The following COMMD1 variants were observed in gnomAD, a reference collection of about 807,000 sequenced individuals.
COMMD1 encodes COMM domain-containing protein 1.
In COMMD1, 10 loss-of-function variants were observed where a neutral mutation model predicts 17.2. The observed-to-expected ratio is 0.58, with a 90% CI of 0.36 to 0.99. The LOEUF (loss-of-function observed/expected upper bound fraction) is 0.99. COMMD1 is among the 50% of genes least tolerant of loss of function. The pLI, the probability that COMMD1 is intolerant of heterozygous loss-of-function variation, is 0.01. For missense variants in COMMD1, 270 were observed against 231.8 expected (o/e 1.17, Z -1.07); for synonymous variants, 97 against 91.6 (o/e 1.06, Z -0.34).
At chr2:61,978,792 G>C (rs183595752) in intron 1 of COMMD1, among the ~76,000 whole-genome samples, 12 of 152,090 alleles carry the variant, frequency 7.9e-5, no homozygotes, top group African/African-American at 2.9e-4. Context: ...GAGACAAAGG[G>C]GAAGTTGTCA....
chr2:61,961,938 T>C (rs1040654168), intron 1 of COMMD1, among the ~76,000 whole-genome samples: 1 of 152,200 alleles, frequency 6.6e-6, no homozygotes, highest in Admixed American at 6.5e-5. Flanking sequence ...ATAGGTCATA[T>C]TTTGAATTTT....
rs1202017111 is a variant in COMMD1, at chr2:61,994,900, G to A, written c.181-5801G>A. ...GCGCCCAGAGAAAGGAGGATATTGT[G>A]ATCTGTCTGGTTTGGAGCTTATGCC... On this transcript the variant is annotated intron_variant, in intron 1 of 2. Coordinates refer to ENST00000311832, the MANE Select transcript of COMMD1 (RefSeq NM_152516.4). 2.0e-5 allele frequency among the ~76,000 whole-genome samples: 3 copies of A among 152,116 alleles called. No individual in the cohort carries two copies. In the East Asian group the frequency reaches 5.8e-4, roughly 29 times the overall value.
intron 1 of COMMD1, among the ~76,000 whole-genome samples, chr2:61,942,095 C>T (rs894906598): frequency 2.6e-5 from 4 of 152,128 alleles, no homozygotes; most frequent in Admixed American, 2.6e-4. Flanking sequence ...CAGCAAAAAA[C>T]ACATCCTCGT....
intron 1 of COMMD1, among the ~76,000 whole-genome samples, chr2:61,938,649 CCT>C (rs1197982095): frequency 6.6e-6 from 1 of 152,100 alleles, no homozygotes; most frequent in African/African-American, 2.4e-5. Context: ...GCTTTATGCC[CCT>C]CAGTCAGATT....
intron 1 of COMMD1, among the ~76,000 whole-genome samples, chr2:61,991,705 G>A (rs1467009175): frequency 6.6e-6 from 1 of 152,144 alleles, no homozygotes; most frequent in African/African-American, 2.4e-5. Flanking sequence ...AGAATAGCAC[G>A]AACAGAGACA....
intron 1 of COMMD1, among the ~76,000 whole-genome samples, chr2:61,896,474 G>A (rs1231599734): frequency 2.0e-5 from 3 of 152,236 alleles, no homozygotes; most frequent in South Asian, 2.1e-4. Flanking sequence ...CTAGCTACTC[G>A]AGAGGCTGAG....
At chr2:61,934,003 G>C (rs575722288) in intron 1 of COMMD1, among the ~76,000 whole-genome samples, 6 of 152,188 alleles carry the variant, frequency 3.9e-5, no homozygotes, top group African/African-American at 1.4e-4. Context: ...AACCTCAGTT[G>C]ATCTGCCCAC....
At position 62,121,231 on chromosome 2, in the gene COMMD1, G is replaced by A. The variant is rs531431351; in HGVS notation, c.463-14600G>A. On this transcript the variant is annotated intron_variant, in intron 2 of 2. Transcript: ENST00000311832. ...CTAAAAATACAAAAATTAACTGGGC[G>A]TGGTGGCATTTGCCTGTAATCCCAG... Among the ~76,000 whole-genome samples the A allele has an allele frequency of 6.4e-4, 97 of 151,430 alleles. 2 individuals are homozygous for A. Among genetic ancestry groups the A allele is most frequent in the Middle Eastern group, 6.8e-3 (2 of 294 alleles).
At chr2:62,125,129 T>C (rs542274287) in intron 2 of COMMD1, among the ~76,000 whole-genome samples, 133 of 152,348 alleles carry the variant, frequency 8.7e-4, no homozygotes, top group African/African-American at 1.9e-3. Context: ...TGATGATTAA[T>C]GTTTTTGTAT....
At chr2:62,029,955 C>G (rs577520092) in intron 2 of COMMD1, among the ~76,000 whole-genome samples, 1 of 152,316 alleles carries the variant, frequency 6.6e-6, no homozygotes, top group East Asian at 1.9e-4. Context: ...GCCTTCAGAA[C>G]AAAGATCCAA....
In COMMD1 at chr2:62,057,149, G is replaced by T. The variant is rs79518997; in HGVS notation, c.462+56167G>T. ...AGGGCTCCCACTGATTATGCATTATGGTGAGTTGTGTAATTATTTCATTAT... is the reference window on the plus strand; with the variant it reads ...AGGGCTCCCACTGATTATGCATTATTGTGAGTTGTGTAATTATTTCATTAT... On this transcript the variant is annotated intron_variant, in intron 2 of 2. Transcript: ENST00000311832. Among the ~76,000 whole-genome samples the T allele has an allele frequency of 2.7e-4, 41 of 152,110 alleles. No individual in the cohort carries two copies. The East Asian group carries it at 7.9e-3, about 29-fold the overall frequency.
Position 61,927,687 on chromosome 2 carries a change from C to T in COMMD1, c.180+21829C>T, listed in dbSNP as rs543564854. 3.9e-5 allele frequency among the ~76,000 whole-genome samples: 6 copies of T among 151,948 alleles called. No homozygotes were observed. In the South Asian group the frequency reaches 6.2e-4, roughly 16 times the overall value. ...TGCTGGGATTACAGGCGTGAGCCAC[C>T]GCGCCTGGCTGGGTGACTCCATTTT... On this transcript the variant is annotated intron_variant, in intron 1 of 2. Coordinates refer to ENST00000311832, the MANE Select transcript of COMMD1 (RefSeq NM_152516.4).
At chr2:62,126,763 G>T (rs892266500) in intron 2 of COMMD1, among the ~76,000 whole-genome samples, 26 of 152,074 alleles carry the variant, frequency 1.7e-4, no homozygotes, top group Non-Finnish European at 2.9e-5. Flanking sequence ...CAAACCCACA[G>T]CCAATATCAT....
upstream of COMMD1, among the ~76,000 whole-genome samples, chr2:61,902,438 G>A (rs1171430923): frequency 6.6e-6 from 1 of 151,780 alleles, no homozygotes; most frequent in Non-Finnish European, 1.5e-5. Context: ...CCCGGGAGGC[G>A]GAGGTTGTGG....
At chr2:62,098,892 A>G (rs1672094755) in intron 2 of COMMD1, among the ~76,000 whole-genome samples, 1 of 152,212 alleles carries the variant, frequency 6.6e-6, no homozygotes, top group Non-Finnish European at 1.5e-5. Context: ...ACCCTGGATC[A>G]TAAGTCTTAA....
At chr2:62,046,281 T>C (rs2103907732) in intron 2 of COMMD1, among the ~76,000 whole-genome samples, 1 of 152,368 alleles carries the variant, frequency 6.6e-6, no homozygotes, top group South Asian at 2.1e-4. Flanking sequence ...AGTTCTATGC[T>C]ATAAAGGTAC....
At chr2:62,065,634 CT>C (rs1364135519) in intron 2 of COMMD1, among the ~76,000 whole-genome samples, 1 of 152,062 alleles carries the variant, frequency 6.6e-6, no homozygotes, top group Non-Finnish European at 1.5e-5. Context: ...TATATACTTA[CT>C]TTAAAGGTAA....
chr2:61,967,578 C>T (rs532518876), intron 1 of COMMD1, among the ~76,000 whole-genome samples: 144 of 152,188 alleles, frequency 9.5e-4, no homozygotes, highest in Non-Finnish European at 1.6e-3. Context: ...AGGATTGGGA[C>T]AGGGCCTGAT....
At chr2:61,899,966 C>G (rs952239916) in intron 1 of COMMD1, among the ~76,000 whole-genome samples, 6 of 152,212 alleles carry the variant, frequency 3.9e-5, no homozygotes, top group African/African-American at 7.2e-5. Context: ...GCCACCGCGC[C>G]CAGCCTGTAT....
Sources: gnomAD v4.1 joint callset for allele counts (sites outside exome capture counted in the v4.1 genomes callset) on GRCh38, gnomAD v4.1.1 for gene constraint, MANE v1.5 for transcripts, NCBI Gene and HGNC (gene_info 2026-07-23, HGNC 2026-07-21) for gene names.